The following PAPPA2 variants were observed in gnomAD, a reference collection of about 807,000 sequenced individuals.
The protein encoded by PAPPA2 is pappalysin-2.
In PAPPA2, 86 loss-of-function variants were observed where a neutral mutation model predicts 176.4. The observed-to-expected ratio is 0.49, with a 90% CI of 0.41 to 0.58. The LOEUF (loss-of-function observed/expected upper bound fraction) is 0.58, where lower values mean the gene tolerates loss of function less well. PAPPA2 is among the 20% of genes least tolerant of loss of function. The probability of loss-of-function intolerance (pLI) is 0.00; values close to 1 mark genes in which losing one functional copy is unlikely to be tolerated. For synonymous variants in PAPPA2, 809 were observed against 852.2 expected (o/e 0.95, Z 0.88); for missense variants, 2,073 against 2,256.9 (o/e 0.92, Z 1.65).
intron 4 of PAPPA2, among the ~76,000 whole-genome samples, chr1:176,685,532 T>G (rs1046932058): frequency 3.9e-5 from 6 of 152,226 alleles, no homozygotes; most frequent in African/African-American, 1.4e-4. Flanking sequence ...CTTCAGAAGA[T>G]AATGCTGGTT....
intron 2 of PAPPA2, among the ~76,000 whole-genome samples, chr1:176,589,397 A>G (rs1653516326): frequency 6.6e-6 from 1 of 152,224 alleles, no homozygotes; most frequent in South Asian, 2.1e-4. Flanking sequence ...AGTTGAGAGC[A>G]GGAATACAAT....
chr1:176,659,024 T>A (rs1350911127), intron 3 of PAPPA2, among the ~76,000 whole-genome samples: 1 of 152,006 alleles, frequency 6.6e-6, no homozygotes, highest in East Asian at 1.9e-4. Context: ...TTTGGATGCA[T>A]AGGTGTCTAG....
intron 17 of PAPPA2, among the ~76,000 whole-genome samples, chr1:176,780,002 C>G (rs1320015648): frequency 6.6e-6 from 1 of 152,224 alleles, no homozygotes; most frequent in African/African-American, 2.4e-5. Context: ...CAGGATCCAC[C>G]TGTGTATATT....
chr1:176,673,628 G>T (rs1279192790), intron 4 of PAPPA2, among the ~76,000 whole-genome samples: 1 of 151,928 alleles, frequency 6.6e-6, no homozygotes, highest in Non-Finnish European at 1.5e-5. Flanking sequence ...GTTGGGCTGG[G>T]GCATACTATT....
chr1:176,584,545 A>T (rs1187237100), intron 2 of PAPPA2, among the ~76,000 whole-genome samples: 1 of 151,954 alleles, frequency 6.6e-6, no homozygotes, highest in African/African-American at 2.4e-5. Context: ...TGAGTTTCTT[A>T]TAGGCAACAT....
At chr1:176,507,179 A>G (rs1648321901) in intron 1 of PAPPA2, among the ~76,000 whole-genome samples, 1 of 152,152 alleles carries the variant, frequency 6.6e-6, no homozygotes, top group Admixed American at 6.6e-5. Context: ...CAACAAATAC[A>G]TAAAAAATGC....
intron 21 of PAPPA2, among the ~76,000 whole-genome samples, chr1:176,819,379 G>A (rs2102971856): frequency 6.6e-6 from 1 of 152,284 alleles, no homozygotes; most frequent in East Asian, 1.9e-4. Context: ...GGACTCTGGG[G>A]ATGAGGAAGT....
chr1:176,673,048 AAG>A (rs1482657566), intron 4 of PAPPA2, among the ~76,000 whole-genome samples: 1 of 152,164 alleles, frequency 6.6e-6, no homozygotes, highest in African/African-American at 2.4e-5. Flanking sequence ...AAACTAGGGA[AAG>A]AGAGGTTTCT....
At chr1:176,672,598 T>A (rs1027681753) in intron 4 of PAPPA2, among the ~76,000 whole-genome samples, 2 of 151,308 alleles carry the variant, frequency 1.3e-5, no homozygotes, top group Non-Finnish European at 2.9e-5. Context: ...AAAAGATTGC[T>A]GTTCAATGCT....
chr1:176,642,685 C>T (rs1006274879), intron 3 of PAPPA2, among the ~76,000 whole-genome samples: 1 of 151,872 alleles, frequency 6.6e-6, no homozygotes, highest in African/African-American at 2.4e-5. Context: ...TAAAGTTGAA[C>T]ATAACTGATA....
intron 21 of PAPPA2, among the ~76,000 whole-genome samples, chr1:176,810,172 C>G (rs1480780816): frequency 6.6e-6 from 1 of 152,082 alleles, no homozygotes; most frequent in Non-Finnish European, 1.5e-5. Flanking sequence ...TGGGCTCAGG[C>G]CCACCTTTAG....
intron 21 of PAPPA2, among the ~76,000 whole-genome samples, chr1:176,832,616 G>A (rs1200571863): frequency 6.6e-6 from 1 of 152,000 alleles, no homozygotes; most frequent in Admixed American, 6.6e-5. Flanking sequence ...GCCTCCCAAA[G>A]TGCTGGGATT....
intron 3 of PAPPA2, among the ~76,000 whole-genome samples, chr1:176,653,962 AGTTTTTTTCT>A (rs1188754755): frequency 6.6e-6 from 1 of 151,482 alleles, no homozygotes; most frequent in Admixed American, 6.6e-5. Context: ...CCTCTTTGGC[AGTTTTTTTCT>A]TCTGCCTATT....
chr1:176,842,243 G>T, intron 22 of PAPPA2, 137 bp from the exon 23 acceptor site: 2 of 736,190 alleles, frequency 2.7e-6, no homozygotes, highest in East Asian at 5.5e-5. Flanking sequence ...GGAAAACTGC[G>T]TGTTAATTTC....
chr1:176,677,719 C>A (rs780737151), intron 4 of PAPPA2, among the ~76,000 whole-genome samples: 1 of 152,080 alleles, frequency 6.6e-6, no homozygotes, highest in East Asian at 1.9e-4. Flanking sequence ...TCATTGTCAT[C>A]GATTCATTCA....
chr1:176,688,255 G>A (rs1184989603), intron 4 of PAPPA2, among the ~76,000 whole-genome samples: 1 of 152,166 alleles, frequency 6.6e-6, no homozygotes, highest in Non-Finnish European at 1.5e-5. Context: ...AAAGGTGAAG[G>A]CACCTGGAAA....
intron 2 of PAPPA2, among the ~76,000 whole-genome samples, chr1:176,576,690 A>T (rs1238515728): frequency 6.6e-6 from 1 of 152,206 alleles, no homozygotes; most frequent in African/African-American, 2.4e-5. Flanking sequence ...ATTCAGCAGC[A>T]TCAGTTTCTC....
At chr1:176,762,529 T>C (rs1361733884) in intron 14 of PAPPA2, among the ~76,000 whole-genome samples, 2 of 152,214 alleles carry the variant, frequency 1.3e-5, no homozygotes, top group East Asian at 1.9e-4. Context: ...TTCTTTCCAA[T>C]AAACTAATGT....
intron 1 of PAPPA2, among the ~76,000 whole-genome samples, chr1:176,552,073 G>A (rs1650989886): frequency 6.6e-6 from 1 of 151,914 alleles, no homozygotes; most frequent in South Asian, 2.1e-4. Flanking sequence ...ACCTAACCTC[G>A]ACCCCATGTT....
Sources: allele counts gnomAD v4.1 joint callset (sites outside exome capture counted in the v4.1 genomes callset), GRCh38; gene constraint gnomAD v4.1.1; transcripts MANE v1.5; gene names NCBI Gene and HGNC (gene_info 2026-07-23, HGNC 2026-07-21).